GRAMD1C: variants seen among roughly 807,000 people sequenced by gnomAD.
GRAMD1C encodes GRAM domain containing 1C, also known as protein Aster-C.
A neutral mutation model predicts 97.8 loss-of-function variants in GRAMD1C; 89 were observed. The observed-to-expected ratio is 0.91, with a 90% CI of 0.77 to 1.09. The LOEUF (loss-of-function observed/expected upper bound fraction) is 1.09. Ranked by LOEUF, GRAMD1C falls within the 50% of genes least tolerant of loss-of-function variation. The pLI, the probability that GRAMD1C is intolerant of heterozygous loss-of-function variation, is 0.00. For synonymous variants in GRAMD1C, 256 were observed against 267.0 expected (o/e 0.96, Z 0.40); for missense variants, 740 against 766.4 (o/e 0.97, Z 0.41).
At chr3:113,878,130 T>C (rs1480494460) in intron 5 of GRAMD1C, among the ~76,000 whole-genome samples, 3 of 152,218 alleles carry the variant, frequency 2.0e-5, no homozygotes, top group Admixed American at 6.5e-5. Context: ...TACCATACTT[T>C]GAATTTATTC....
At chr3:113,874,023 C>T (rs1318957250) in intron 3 of GRAMD1C, among the ~76,000 whole-genome samples, 1 of 152,138 alleles carries the variant, frequency 6.6e-6, no homozygotes, top group Non-Finnish European at 1.5e-5. Flanking sequence ...TGTTTGGTGG[C>T]ACCTCACTTT....
At chr3:113,856,523 TTATGTATG>T (rs10660348) in intron 2 of GRAMD1C, among the ~76,000 whole-genome samples, 2 of 150,924 alleles carry the variant, frequency 1.3e-5, no homozygotes, top group African/African-American at 4.9e-5. Context: ...ATTTATTTCT[TTATGTATG>T]TATGTATGTA....
chr3:113,830,818 T>C (rs1709547736), intron 1 of GRAMD1C, among the ~76,000 whole-genome samples: 1 of 152,114 alleles, frequency 6.6e-6, no homozygotes, highest in Non-Finnish European at 1.5e-5. Flanking sequence ...CAGGAAATTG[T>C]ATGGGCATGG....
At chr3:113,936,491 A>G (rs1433060804) in intron 14 of GRAMD1C, 49 bp downstream of exon 14, 2 of 1,167,698 alleles carry the variant, frequency 1.7e-6, no homozygotes, top group Non-Finnish European at 2.5e-6. Context: ...CTTTAGTTAT[A>G]TGAAGCAGAA....
chr3:113,916,115 A>T (rs1936801718), intron 10 of GRAMD1C, among the ~76,000 whole-genome samples: 2 of 152,242 alleles, frequency 1.3e-5, no homozygotes, highest in South Asian at 2.1e-4. Flanking sequence ...GATTAGGTTG[A>T]ACTCAATTCA....
At chr3:113,843,101 G>A (rs566139883) in intron 1 of GRAMD1C, among the ~76,000 whole-genome samples, 31 of 139,410 alleles carry the variant, frequency 2.2e-4, no homozygotes, top group African/African-American at 8.2e-4. Context: ...TTGAGACAGG[G>A]TTTTGCTTTG....
chr3:113,901,080 C>T lies in GRAMD1C; in HGVS notation c.590C>T (p.Thr197Ile), dbSNP rs779145868. Residue 197 changes from threonine (T) to isoleucine (I), a missense_variant, in exon 7 of 18, where the codon ACT (threonine) becomes ATT (isoleucine). By Grantham distance (89) the Thr-to-Ile change is moderately conservative. Transcript: ENST00000358160. ...FWQLLQQNYG[T>I]ELGLNAEEME... Reference sequence around the variant, plus strand: ...CAACTGCTCCAGCAGAACTATGGCACTGAGCTAGGTTTAAATGCTGAGGAG... The same window carrying T: ...CAACTGCTCCAGCAGAACTATGGCATTGAGCTAGGTTTAAATGCTGAGGAG... 2 of 1,611,642 alleles carry T rather than the reference C, an allele frequency of 1.2e-6. No individual in the cohort carries two copies. The highest frequency in any genetic ancestry group is 4.5e-5 in the East Asian group (2 of 44,840).
At chr3:113,843,565 C>G (rs1933472601) in intron 1 of GRAMD1C, among the ~76,000 whole-genome samples, 1 of 150,698 alleles carries the variant, frequency 6.6e-6, no homozygotes, top group Non-Finnish European at 1.5e-5. Flanking sequence ...CTGCAACCTC[C>G]TCCTCCTGGG....
intron 5 of GRAMD1C, among the ~76,000 whole-genome samples, chr3:113,882,319 C>T (rs559955814): frequency 1.9e-4 from 29 of 152,116 alleles, no homozygotes; most frequent in African/African-American, 7.0e-4. Context: ...ATCCTTAAAT[C>T]TATCTCTGAA....
chr3:113,844,583 G>A lies in GRAMD1C; in HGVS notation c.108G>A (p.Glu36=), dbSNP rs1933528859. ...AAAATCCTAGTCCAACTGTGGAAGA[G>A]AATAATGTGGTAGTTAAAAAACAGG... ...VEENPSPTVE[E]NNVVVKKQGP... Residue 36 remains glutamate (E), a synonymous_variant, in exon 2 of 18, where the codon GAG becomes GAA. Coordinates refer to ENST00000358160, the MANE Select transcript of GRAMD1C (RefSeq NM_017577.5). 8 of 1,604,670 alleles carry A rather than the reference G, an allele frequency of 5.0e-6. No homozygotes were observed. The highest frequency in any genetic ancestry group is 6.0e-6 in the Non-Finnish European group (7 of 1,173,354).
intron 9 of GRAMD1C, 101 bp from the exon 10 acceptor site, chr3:113,915,600 A>G (rs1936780912): frequency 4.7e-6 from 4 of 843,878 alleles, no homozygotes; most frequent in Non-Finnish European, 7.4e-6. Context: ...AAACCATTTT[A>G]TGCCCAAAAT....
At chr3:113,941,049 G>A (rs1937751983) in intron 17 of GRAMD1C, among the ~76,000 whole-genome samples, 2 of 152,182 alleles carry the variant, frequency 1.3e-5, no homozygotes, top group African/African-American at 4.8e-5. Flanking sequence ...TATTGTCTGT[G>A]TGTGTCTTCT....
chr3:113,897,748 T>C (rs1316411399), intron 6 of GRAMD1C: 1 of 984,808 alleles, frequency 1.0e-6, no homozygotes, highest in East Asian at 1.1e-4. Flanking sequence ...GATTACTGCT[T>C]GGTTCATCTT....
intron 7 of GRAMD1C, among the ~76,000 whole-genome samples, chr3:113,902,012 T>C (rs1468792324): frequency 6.6e-6 from 1 of 150,582 alleles, no homozygotes; most frequent in Admixed American, 6.7e-5. Flanking sequence ...ATTTCTTTGT[T>C]GGGGTGATGA....
intron 10 of GRAMD1C, among the ~76,000 whole-genome samples, chr3:113,925,944 T>G (rs981941053): frequency 1.3e-5 from 2 of 152,230 alleles, no homozygotes; most frequent in Non-Finnish European, 2.9e-5. Flanking sequence ...AGGATTCCCT[T>G]TGTAGGTGGC....
rs559551647 is a variant in GRAMD1C, at chr3:113,897,669, A to C, written c.541-3362A>C. ...ATTTGGAGCTCTGCTGTGCATAGAG[A>C]TGGCAACATACTTAGAATACACAGC... On this transcript the variant is annotated intron_variant, in intron 6 of 17. Transcript: ENST00000358160. 2.5e-5 allele frequency: 25 copies of C among 983,100 alleles called. No homozygotes were observed. The East Asian group carries it at 2.4e-3, about 94-fold the overall frequency. 60.9% of individuals were successfully genotyped at this position (983,100 alleles called of 1,614,324 possible). A position where few individuals can be genotyped will look rare whatever the true frequency, so the allele number is the denominator to read the frequency against.
chr3:113,885,400 G>C lies in GRAMD1C; in HGVS notation c.540+2568G>C, dbSNP rs1488429257. 1.9e-6 allele frequency: 3 copies of C among 1,575,736 alleles called. No individual in the cohort carries two copies. In the African/African-American group the frequency reaches 4.0e-5, roughly 21 times the overall value. ...CCTTTTGCGGGGGCAGATCCGCACG[G>C]TAATTCAGTACCAAACTGTTCGATA... On this transcript the variant is annotated intron_variant, in intron 6 of 17. Transcript: ENST00000358160.
Position 113,856,896 on chromosome 3 carries a change from G to A in GRAMD1C, c.174+12247G>A, listed in dbSNP as rs530363258. ...GCTCTGTTGCCCAGACTGGAGTGCT[G>A]TGGTACAATCTCGGCTCACTGCAAC... On this transcript the variant is annotated intron_variant, in intron 2 of 17. Coordinates refer to ENST00000358160, the MANE Select transcript of GRAMD1C (RefSeq NM_017577.5). Among the ~76,000 whole-genome samples the A allele has an allele frequency of 6.0e-5, 9 of 150,516 alleles. No individual in the cohort carries two copies. In the South Asian group the frequency reaches 1.9e-3, roughly 32 times the overall value.
chr3:113,878,575 CATCT>C (rs1378876419), intron 5 of GRAMD1C, among the ~76,000 whole-genome samples: 4 of 151,940 alleles, frequency 2.6e-5, no homozygotes, highest in Non-Finnish European at 5.9e-5. Context: ...TCTGTTTATC[CATCT>C]ATCCATCCAT....
Sources: gnomAD v4.1 joint callset for allele counts (sites outside exome capture counted in the v4.1 genomes callset) on GRCh38, gnomAD v4.1.1 for gene constraint, MANE v1.5 for transcripts, NCBI Gene and HGNC (gene_info 2026-07-23, HGNC 2026-07-21) for gene names.